Variants in CFAP61 observed in about 807,000 individuals in gnomAD.
The protein encoded by CFAP61 is cilia and flagella associated protein 61.
A neutral mutation model predicts 135.6 loss-of-function variants in CFAP61; 107 were observed. The ratio of observed to expected loss-of-function variants is 0.79; its 90% CI spans 0.67 to 0.93. The LOEUF is 0.93. Ranked by LOEUF, CFAP61 falls within the 40% of genes least tolerant of loss-of-function variation. The probability of loss-of-function intolerance (pLI) is 0.00; values close to 1 mark genes in which losing one functional copy is unlikely to be tolerated. For missense variants in CFAP61, 1,507 were observed against 1,556.2 expected, an observed-to-expected ratio of 0.97 and a Z score of 0.53; for synonymous variants, 575 against 578.5, an observed-to-expected ratio of 0.99 and a Z score of 0.09.
chr20:20,193,762 C>T (rs532164727), intron 15 of CFAP61, among the ~76,000 whole-genome samples: 2 of 152,178 alleles, frequency 1.3e-5, no homozygotes, highest in Admixed American at 1.3e-4. Flanking sequence ...TACAGGTGTG[C>T]ACCACCACGC....
intron 20 of CFAP61, among the ~76,000 whole-genome samples, chr20:20,256,260 C>T (rs1465695642): frequency 6.6e-6 from 1 of 152,164 alleles, no homozygotes; most frequent in African/African-American, 2.4e-5. Context: ...GGTATTTAAG[C>T]TACTAAGTTT....
chr20:20,263,288 G>C (rs1262059117), intron 21 of CFAP61, among the ~76,000 whole-genome samples, 158 bp downstream of exon 21: 2 of 152,090 alleles, frequency 1.3e-5, no homozygotes, highest in East Asian at 3.9e-4. Context: ...TTTACAACTT[G>C]TTGTCATTTT....
intron 17 of CFAP61, chr20:20,226,224 G>T (rs953124744): frequency 3.9e-5 from 6 of 152,130 alleles, no homozygotes; most frequent in Admixed American, 3.9e-4. Flanking sequence ...TGGATGTTAG[G>T]CTCAGCTACA....
At chr20:20,323,473 A>G (rs1246017152) in intron 25 of CFAP61, 3 of 250,394 alleles carry the variant, frequency 1.2e-5, no homozygotes, top group Non-Finnish European at 6.3e-6. Flanking sequence ...AATGTTCTTT[A>G]TTATTTTTAG....
At chr20:20,142,809 G>T in intron 8 of CFAP61, 48 bp from the exon 9 acceptor site, 1 of 1,041,880 alleles carries the variant, frequency 9.6e-7, no homozygotes, top group Non-Finnish European at 1.5e-6. Context: ...TGATTCTGCA[G>T]ATATTTATCA....
chr20:20,294,934 C>G (rs987418133), intron 24 of CFAP61, among the ~76,000 whole-genome samples: 2 of 98,362 alleles, frequency 2.0e-5, no homozygotes, highest in African/African-American at 9.7e-5. Flanking sequence ...GACTCCGTCT[C>G]AAAAATAATA....
intron 25 of CFAP61, among the ~76,000 whole-genome samples, chr20:20,309,056 C>A (rs1166522463): frequency 6.6e-6 from 1 of 152,192 alleles, no homozygotes. Context: ...CGAGAAGGAA[C>A]TGGCCTGCCT....
chr20:20,099,481 G>A (rs2047846262), intron 8 of CFAP61, among the ~76,000 whole-genome samples: 1 of 152,136 alleles, frequency 6.6e-6, no homozygotes, highest in Non-Finnish European at 1.5e-5. Flanking sequence ...ACAGAAGACA[G>A]ATGCAGACAG....
chr20:20,251,845 A>G (rs952674379), intron 20 of CFAP61, 82 bp downstream of exon 20: 2 of 1,406,708 alleles, frequency 1.4e-6, no homozygotes, highest in South Asian at 1.2e-5. Context: ...GGGCACACAC[A>G]CTCTGGGTAA....
chr20:20,251,085 C>G (rs191370379), intron 19 of CFAP61, among the ~76,000 whole-genome samples: 4 of 152,250 alleles, frequency 2.6e-5, no homozygotes, highest in Non-Finnish European at 5.9e-5. Context: ...GGCAGGAAGC[C>G]ATACGCTAAT....
intron 8 of CFAP61, among the ~76,000 whole-genome samples, chr20:20,129,261 G>C (rs184540472): frequency 6.6e-6 from 1 of 151,736 alleles, no homozygotes; most frequent in African/African-American, 2.4e-5. Flanking sequence ...TCTGTTTGTC[G>C]TGAATTCTCT....
chr20:20,311,784 A>G (rs1200580852), intron 25 of CFAP61, among the ~76,000 whole-genome samples: 1 of 152,204 alleles, frequency 6.6e-6, no homozygotes, highest in Non-Finnish European at 1.5e-5. Context: ...AAACTGCCCA[A>G]GACAGGGGAA....
Position 20,211,073 on chromosome 20 carries a change from T to G in CFAP61, c.1932+11171T>G, listed in dbSNP as rs78076844. On this transcript the variant is annotated intron_variant, in intron 17 of 26. Coordinates refer to ENST00000245957, the MANE Select transcript of CFAP61 (RefSeq NM_015585.4). ...TACATTCAAATTAAACTGAGATGGA[T>G]TAAAAGCCTTCCACAGTTTAGTAAT... Among the ~76,000 whole-genome samples, 281 of 152,234 alleles carry G rather than the reference T, an allele frequency of 1.8e-3. 4 individuals are homozygous for G. The highest frequency in any genetic ancestry group is 0.015 in the East Asian group (79 of 5,188).
intron 8 of CFAP61, among the ~76,000 whole-genome samples, chr20:20,109,068 C>T (rs2048609307): frequency 2.6e-5 from 4 of 152,028 alleles, no homozygotes; most frequent in East Asian, 1.9e-4. Flanking sequence ...TTTTGTAGAA[C>T]GTAATTTATT....
At chr20:20,224,931 T>C (rs182306377) in intron 17 of CFAP61, among the ~76,000 whole-genome samples, 1 of 152,326 alleles carries the variant, frequency 6.6e-6, no homozygotes, top group Non-Finnish European at 1.5e-5. Context: ...GGCTTTTATT[T>C]TTACTTTCTA....
intron 11 of CFAP61, among the ~76,000 whole-genome samples, chr20:20,165,483 C>T (rs866738552): frequency 1.3e-5 from 2 of 151,878 alleles, no homozygotes; most frequent in East Asian, 3.9e-4. Flanking sequence ...TCTAAAGCCC[C>T]GGCGCCCACC....
intron 21 of CFAP61, among the ~76,000 whole-genome samples, chr20:20,274,618 G>A (rs1345706500): frequency 6.6e-6 from 1 of 152,158 alleles, no homozygotes; most frequent in African/African-American, 2.4e-5. Flanking sequence ...CTGAGATCGC[G>A]CCACTGCACT....
intron 18 of CFAP61, among the ~76,000 whole-genome samples, chr20:20,233,780 C>G (rs772573582): frequency 6.6e-6 from 1 of 152,184 alleles, no homozygotes; most frequent in African/African-American, 2.4e-5. Flanking sequence ...CACCCCTGCT[C>G]GTTTCAGTAT....
At chr20:20,327,805 A>C (rs929772510) in intron 25 of CFAP61, among the ~76,000 whole-genome samples, 4 of 20,074 alleles carry the variant, frequency 2.0e-4, no homozygotes, top group African/African-American at 4.9e-4. Context: ...AAAAAAAAAA[A>C]CAGAAGAAAC....
Sources: gnomAD v4.1 joint callset for allele counts (sites outside exome capture counted in the v4.1 genomes callset) on GRCh38, gnomAD v4.1.1 for gene constraint, MANE v1.5 for transcripts, NCBI Gene and HGNC (gene_info 2026-07-23, HGNC 2026-07-21) for gene names.